The following CUX1 variants were observed in gnomAD, a reference collection of about 807,000 sequenced individuals.
The protein encoded by CUX1 is protein CASP.
A neutral mutation model predicts 158.8 loss-of-function variants in CUX1; 31 were observed. That is an observed-to-expected ratio of 0.20 (90% CI 0.15 to 0.26). The LOEUF (loss-of-function observed/expected upper bound fraction) is 0.26, where lower values mean the gene tolerates loss of function less well. Ranked by LOEUF, CUX1 falls within the 10% of genes least tolerant of loss-of-function variation. The pLI, the probability that CUX1 is intolerant of heterozygous loss-of-function variation, is 1.00. For missense variants in CUX1, 1,589 were observed against 2,014.6 expected (o/e 0.79, Z 4.04); for synonymous variants, 879 against 862.1 (o/e 1.02, Z -0.34).
At chr7:101,816,928 GT>G, upstream of CUX1, 2 of 981,952 alleles carry the variant, frequency 2.0e-6, no homozygotes, top group Non-Finnish European at 2.4e-6. Context: ...GGACCCCCGG[GT>G]TTGTTTACGT....
intron 2 of CUX1, among the ~76,000 whole-genome samples, chr7:101,985,848 T>C (rs966551129): frequency 2.0e-5 from 3 of 152,240 alleles, no homozygotes; most frequent in African/African-American, 7.2e-5. Flanking sequence ...AAAAGCTTCC[T>C]TGTTTTTCAG....
Position 102,254,398 on chromosome 7 carries a change from A to G in CUX1, c.*5356A>G, listed in dbSNP as rs781863664. On this transcript the variant is annotated 3_prime_UTR_variant, in exon 24 of 24. Transcript: ENST00000292535. Reference sequence around the variant, plus strand: ...GCGAACACTCCTTTGCAAACATCAAACATCTCAAAGACGGAAAAGGATAGA... The same window carrying G: ...GCGAACACTCCTTTGCAAACATCAAGCATCTCAAAGACGGAAAAGGATAGA... 6 of 985,210 alleles carry G rather than the reference A, an allele frequency of 6.1e-6. No individual in the cohort carries two copies. The highest frequency in any genetic ancestry group is 1.7e-5 in the African/African-American group (1 of 57,156). 61.0% of individuals were successfully genotyped at this position (985,210 alleles called of 1,614,324 possible).
At chr7:102,040,194 G>A (rs746034149) in intron 3 of CUX1, among the ~76,000 whole-genome samples, 1 of 152,194 alleles carries the variant, frequency 6.6e-6, no homozygotes, top group Non-Finnish European at 1.5e-5. Context: ...CAGGCACTGC[G>A]AGGGAGACAC....
chr7:101,849,250 G>A (rs894050042), intron 1 of CUX1, among the ~76,000 whole-genome samples: 6 of 151,188 alleles, frequency 4.0e-5, no homozygotes, highest in African/African-American at 7.3e-5. Flanking sequence ...TACAGATTAC[G>A]TCATCACCCA....
intron 6 of CUX1, among the ~76,000 whole-genome samples, chr7:102,108,557 C>T (rs1197229176): frequency 6.6e-6 from 1 of 152,112 alleles, no homozygotes; most frequent in African/African-American, 2.4e-5. Context: ...AGGCTGGTTT[C>T]AAACTCCTGA....
chr7:101,844,154 T>C (rs1031356587), intron 1 of CUX1, among the ~76,000 whole-genome samples: 1 of 152,044 alleles, frequency 6.6e-6, no homozygotes, highest in Non-Finnish European at 1.5e-5. Context: ...GTGGGCACTG[T>C]TGCTATTAAC....
chr7:101,882,658 T>A (rs1420750784), intron 1 of CUX1, among the ~76,000 whole-genome samples: 2 of 152,218 alleles, frequency 1.3e-5, no homozygotes, highest in African/African-American at 4.8e-5. Context: ...CAGTAGATGC[T>A]CTGCACATAG....
chr7:101,936,446 G>A (rs1340498493), intron 2 of CUX1, among the ~76,000 whole-genome samples: 1 of 152,132 alleles, frequency 6.6e-6, no homozygotes, highest in Non-Finnish European at 1.5e-5. Flanking sequence ...TCCGGCACTC[G>A]GGCTGGCGAG....
intron 2 of CUX1, among the ~76,000 whole-genome samples, chr7:102,005,756 C>T (rs1817279180): frequency 3.3e-5 from 5 of 152,168 alleles, no homozygotes; most frequent in Admixed American, 3.3e-4. Flanking sequence ...GGGACACAGT[C>T]AGCAGCTCAG....
downstream of CUX1, among the ~76,000 whole-genome samples, chr7:102,262,395 C>CATGGATGGATGGATGG (rs55973199): frequency 0.21 from 29,755 of 142,990 alleles, 3,216 homozygotes; most frequent in Middle Eastern, 0.27. Context: ...AAGACTCCAT[C>CATGGATGGATGGATGG]ATGGATGGAT....
At position 102,166,990 on chromosome 7, in the gene CUX1, G is replaced by A. The variant is rs934933490; in HGVS notation, c.724-3456G>A. Reference sequence around the variant, plus strand: ...TCCACAGAAATTATGCAATCAGGCCGGGCGCGGTGGCTCACACCTGTAATC... The same window carrying A: ...TCCACAGAAATTATGCAATCAGGCCAGGCGCGGTGGCTCACACCTGTAATC... On this transcript the variant is annotated intron_variant, in intron 9 of 23. Transcript: ENST00000292535. Among the ~76,000 whole-genome samples the A allele has an allele frequency of 9.2e-5, 14 of 152,236 alleles. No individual in the cohort carries two copies. The South Asian group carries it at 2.1e-3, about 23-fold the overall frequency.
At chr7:102,243,826 G>A (rs781783854) in intron 23 of CUX1, among the ~76,000 whole-genome samples, 6 of 151,814 alleles carry the variant, frequency 4.0e-5, no homozygotes, top group Non-Finnish European at 5.9e-5. Flanking sequence ...TCAGGAGTTC[G>A]AGACCAGCCT....
intron 4 of CUX1, among the ~76,000 whole-genome samples, chr7:102,079,817 C>T (rs1267409375): frequency 6.6e-6 from 1 of 152,116 alleles, no homozygotes; most frequent in East Asian, 1.9e-4. Context: ...CTGTGGGTGG[C>T]GGATAATGTG....
intron 1 of CUX1, among the ~76,000 whole-genome samples, chr7:101,829,873 C>A (rs1316852206): frequency 6.6e-6 from 1 of 151,800 alleles, no homozygotes; most frequent in Non-Finnish European, 1.5e-5. Flanking sequence ...TGTAAGGAGC[C>A]CCCCTGTTGC....
At chr7:102,274,315 G>A in intron 16 of CUX1, 1 of 1,612,792 alleles carries the variant, frequency 6.2e-7, no homozygotes, top group South Asian at 1.1e-5. Context: ...TCTACGGTAA[G>A]GAGAGGCCTG....
At position 102,251,496 on chromosome 7, in the gene CUX1, C is replaced by T; in HGVS notation, c.*2454C>T. On this transcript the variant is annotated 3_prime_UTR_variant, in exon 24 of 24. Coordinates refer to ENST00000292535, the MANE Select transcript of CUX1 (RefSeq NM_181552.4). ...ATGAATAAGAAGTTTTCAGAAGGCT[C>T]TAGGGGGCTGGGAGGCAGGCTGTTC... 1 of 985,254 alleles carries T rather than the reference C, an allele frequency of 1.0e-6. No homozygotes were observed. 61.0% of individuals were successfully genotyped at this position (985,254 alleles called of 1,614,324 possible).
chr7:101,981,430 T>G (rs976941589), intron 2 of CUX1, among the ~76,000 whole-genome samples: 1 of 152,218 alleles, frequency 6.6e-6, no homozygotes. Context: ...GGGCACTCAG[T>G]GTGGCCTGGG....
At position 101,916,233 on chromosome 7, in the gene CUX1, G is replaced by A. The variant is rs56091128; in HGVS notation, c.141+8G>A. 101,050 of 1,563,538 alleles carry A rather than the reference G, an allele frequency of 0.065. 3,863 individuals carry two copies. The highest frequency in any genetic ancestry group is 0.074 in the Non-Finnish European group (84,016 of 1,134,136). On this transcript the variant is annotated splice_region_variant and intron_variant, in intron 2 of 23. Transcript: ENST00000292535. The surrounding 1 kb of genome is among the most constrained non-coding windows in gnomAD (Gnocchi z 4.4). ...AAGAAGAACACTCCAGAGGTGAGGC[G>A]CGTGACCATCGTGTTCGCTTTGAAG...
At chr7:101,998,322 G>A (rs1483927457) in intron 2 of CUX1, among the ~76,000 whole-genome samples, 2 of 152,250 alleles carry the variant, frequency 1.3e-5, no homozygotes, top group Admixed American at 6.5e-5. Flanking sequence ...TGCACAGTGC[G>A]GATTGCAGGA....
Sources: gnomAD v4.1 joint callset for allele counts (sites outside exome capture counted in the v4.1 genomes callset) on GRCh38, gnomAD v4.1.1 for gene constraint, Gnocchi (gnomAD v3.1) non-coding constraint, MANE v1.5 for transcripts, NCBI Gene and HGNC (gene_info 2026-07-23, HGNC 2026-07-21) for gene names.